VTI1A: variants seen among roughly 807,000 people sequenced by gnomAD.
VTI1A encodes vesicle transport through interaction with t-SNAREs 1A, also known as vesicle transport through interaction with t-SNAREs homolog 1A.
Under a neutral mutation model 34.9 loss-of-function variants are expected in VTI1A, and 22 were observed. That is an observed-to-expected ratio of 0.63 (90% CI 0.45 to 0.90). The LOEUF (loss-of-function observed/expected upper bound fraction) is 0.90. Among genes scored for constraint, VTI1A ranks in the 40% least tolerant of loss-of-function variants. The pLI is 0.00. For missense variants in VTI1A, 268 were observed against 275.6 expected, an observed-to-expected ratio of 0.97 and a Z score of 0.20; for synonymous variants, 87 against 97.3, an observed-to-expected ratio of 0.89 and a Z score of 0.62.
chr10:112,697,868 G>GTGTGTGTGTT (rs1848852558), intron 7 of VTI1A, among the ~76,000 whole-genome samples: 5 of 69,632 alleles, frequency 7.2e-5, no homozygotes, highest in African/African-American at 2.8e-4. Flanking sequence ...GCATTTACAT[G>GTGTGTGTGTT]TGTGTGTGTG....
intron 1 of VTI1A, 110 bp downstream of exon 1, chr10:112,447,577 G>A: frequency 8.0e-7 from 1 of 1,255,324 alleles, no homozygotes; most frequent in South Asian, 1.3e-5. Context: ...TGGAGTGGGT[G>A]GTGCCGGCTG....
At position 112,538,278 on chromosome 10, in the gene VTI1A, G is replaced by A. The variant is rs374470577; in HGVS notation, c.375G>A (p.Leu125=). The change falls in exon 5 of 8, where the codon CTG becomes CTA. Residue 125 remains leucine (L), a synonymous_variant. Coordinates refer to ENST00000393077, the MANE Select transcript of VTI1A (RefSeq NM_145206.4). ...ATCTGCTCGATAACACAGAGAGGCT[G>A]GAAAGGTCATCTCGGAGACTAGAGG... The part of the protein sequence containing the change: ...RAHLLDNTER[L]ERSSRRLEAG... The A allele has an allele frequency of 2.6e-5, 42 of 1,613,368 alleles. No homozygotes were observed. Among genetic ancestry groups the A allele is most frequent in the African/African-American group, 4.0e-5 (3 of 74,720 alleles).
At chr10:112,482,531 C>T (rs1848488490) in intron 3 of VTI1A, among the ~76,000 whole-genome samples, 2 of 152,050 alleles carry the variant, frequency 1.3e-5, no homozygotes, top group Admixed American at 6.6e-5. Context: ...CACTGTGGCT[C>T]ACACTAATAT....
At chr10:112,564,998 A>G (rs895780032) in intron 5 of VTI1A, among the ~76,000 whole-genome samples, 2 of 152,092 alleles carry the variant, frequency 1.3e-5, no homozygotes, top group East Asian at 3.8e-4. Context: ...GTGGGAGCTG[A>G]TCACCTATGC....
intron 5 of VTI1A, among the ~76,000 whole-genome samples, chr10:112,647,693 T>A (rs1171341346): frequency 6.6e-6 from 1 of 152,232 alleles, no homozygotes; most frequent in Admixed American, 6.5e-5. Context: ...TTATTATCAG[T>A]ATAGAAAGGA....
At chr10:112,722,151 A>G (rs187212187) in intron 7 of VTI1A, among the ~76,000 whole-genome samples, 10 of 152,174 alleles carry the variant, frequency 6.6e-5, no homozygotes, top group Non-Finnish European at 1.5e-4. Flanking sequence ...AAATTTATCA[A>G]CCTGGATTAC....
chr10:112,713,999 T>C (rs1385602976), intron 7 of VTI1A, among the ~76,000 whole-genome samples: 1 of 152,198 alleles, frequency 6.6e-6, no homozygotes, highest in Non-Finnish European at 1.5e-5. Flanking sequence ...CCTTCCACTC[T>C]TCCCCTCTCA....
intron 7 of VTI1A, among the ~76,000 whole-genome samples, chr10:112,671,111 A>C (rs1481024283): frequency 1.3e-5 from 2 of 152,206 alleles, no homozygotes; most frequent in African/African-American, 4.8e-5. Flanking sequence ...TGGTTATCTC[A>C]TGGAAAAGCT....
chr10:112,728,261 G>A (rs1302583037), intron 7 of VTI1A, among the ~76,000 whole-genome samples: 3 of 152,166 alleles, frequency 2.0e-5, no homozygotes, highest in Non-Finnish European at 4.4e-5. Flanking sequence ...TTGAGAATAT[G>A]TTGCACAGCT....
intron 7 of VTI1A, among the ~76,000 whole-genome samples, chr10:112,734,596 C>G (rs1297347794): frequency 6.6e-6 from 1 of 151,834 alleles, no homozygotes. Context: ...AGGCAGAAAT[C>G]TTGCCTTACT....
chr10:112,525,717 T>G (rs551690424), intron 3 of VTI1A, among the ~76,000 whole-genome samples: 2 of 151,058 alleles, frequency 1.3e-5, no homozygotes, highest in Non-Finnish European at 2.9e-5. Context: ...CTGAAATAAT[T>G]TTCTGTGTTT....
chr10:112,777,489 C>A (rs914088155), intron 7 of VTI1A, among the ~76,000 whole-genome samples: 1 of 152,196 alleles, frequency 6.6e-6, no homozygotes, highest in Non-Finnish European at 1.5e-5. Flanking sequence ...TTGAGTCTGA[C>A]ATAGAGCACT....
chr10:112,657,090 A>G (rs1382997278), intron 5 of VTI1A, among the ~76,000 whole-genome samples: 1 of 152,090 alleles, frequency 6.6e-6, no homozygotes, highest in Non-Finnish European at 1.5e-5. Context: ...AGAAGCCACT[A>G]TGCTTCCTGT....
At chr10:112,453,863 T>G (rs1285558199) in intron 1 of VTI1A, among the ~76,000 whole-genome samples, 4 of 152,224 alleles carry the variant, frequency 2.6e-5, no homozygotes, top group Non-Finnish European at 4.4e-5. Flanking sequence ...TTGTTGCCTC[T>G]GGAACCTCTC....
intron 5 of VTI1A, among the ~76,000 whole-genome samples, chr10:112,657,287 C>T (rs2133813920): frequency 6.6e-6 from 1 of 152,288 alleles, no homozygotes; most frequent in Non-Finnish European, 1.5e-5. Flanking sequence ...ATTTTTCAGG[C>T]TTAATAACTT....
At chr10:112,827,740 A>G in the VTI1A span, 6 of 152,282 alleles carry the variant, frequency 3.9e-5, 1 homozygote, top group South Asian at 1.2e-3. Flanking sequence ...GGCTATTCCC[A>G]TCTTTTCCAT....
chr10:112,534,851 G>A (rs1482739028), intron 4 of VTI1A, among the ~76,000 whole-genome samples: 1 of 152,118 alleles, frequency 6.6e-6, no homozygotes, highest in Non-Finnish European at 1.5e-5. Flanking sequence ...TTCATGTTTA[G>A]GTGAAGAATC....
At chr10:112,481,005 C>T (rs12248951) in intron 3 of VTI1A, among the ~76,000 whole-genome samples, 9,502 of 152,178 alleles carry the variant, frequency 0.062, 659 homozygotes, top group African/African-American at 0.17. Flanking sequence ...AGTTGAGCAG[C>T]TCAGCCTTTA....
At chr10:112,639,512 G>T (rs567588072) in intron 5 of VTI1A, among the ~76,000 whole-genome samples, 1 of 152,186 alleles carries the variant, frequency 6.6e-6, no homozygotes, top group Admixed American at 6.5e-5. Context: ...GAAGCTTCAT[G>T]ACTGACTCAC....
Sources: gnomAD v4.1 joint callset for allele counts (sites outside exome capture counted in the v4.1 genomes callset) on GRCh38, gnomAD v4.1.1 for gene constraint, MANE v1.5 for transcripts, NCBI Gene and HGNC (gene_info 2026-07-23, HGNC 2026-07-21) for gene names.